NCKAP5: variants seen among roughly 807,000 people sequenced by gnomAD.
NCKAP5 encodes NCK associated protein 5.
A neutral mutation model predicts 167.0 loss-of-function variants in NCKAP5; 92 were observed. The observed-to-expected ratio is 0.55, with a 90% CI of 0.47 to 0.66. The LOEUF is 0.66. Among genes scored for constraint, NCKAP5 ranks in the 30% least tolerant of loss-of-function variants. The pLI is 0.00. For synonymous variants in NCKAP5, 891 were observed against 877.4 expected, an observed-to-expected ratio of 1.02 and a Z score of -0.27; for missense variants, 2,378 against 2,315.0, an observed-to-expected ratio of 1.03 and a Z score of -0.56.
chr2:133,338,442 C>T (rs1476605763), intron 3 of NCKAP5, among the ~76,000 whole-genome samples: 1 of 152,324 alleles, frequency 6.6e-6, no homozygotes, highest in South Asian at 2.1e-4. Context: ...CATGCACCCC[C>T]ATCTTATAGT....
intron 8 of NCKAP5, among the ~76,000 whole-genome samples, chr2:132,944,615 G>A (rs183614075): frequency 6.6e-6 from 1 of 152,094 alleles, no homozygotes; most frequent in Admixed American, 6.6e-5. Context: ...ATGTTGCTAT[G>A]GGCTACTTTG....
At chr2:133,176,447 G>A (rs376316658) in intron 5 of NCKAP5, among the ~76,000 whole-genome samples, 3 of 151,878 alleles carry the variant, frequency 2.0e-5, no homozygotes, top group South Asian at 2.1e-4. Flanking sequence ...GAACAACCTC[G>A]GAAATTGCTG....
chr2:133,456,455 T>C (rs1691867320), intron 3 of NCKAP5, among the ~76,000 whole-genome samples: 1 of 152,130 alleles, frequency 6.6e-6, no homozygotes. Context: ...AGCCATGTGA[T>C]AAGAATGGCG....
chr2:133,132,480 A>AGCAC (rs2082638593), intron 5 of NCKAP5, among the ~76,000 whole-genome samples: 1 of 94,548 alleles, frequency 1.1e-5, no homozygotes, highest in Admixed American at 1.0e-4. Flanking sequence ...TGAAAAAAAA[A>AGCAC]GCACACACAC....
intron 11 of NCKAP5, among the ~76,000 whole-genome samples, chr2:132,852,486 G>A (rs1215328815): frequency 6.6e-6 from 1 of 152,188 alleles, no homozygotes; most frequent in East Asian, 1.9e-4. Context: ...AGAAAGAAGT[G>A]TTGTTGAAGG....
At chr2:133,099,975 C>T (rs2081456574) in intron 6 of NCKAP5, among the ~76,000 whole-genome samples, 1 of 152,238 alleles carries the variant, frequency 6.6e-6, no homozygotes, top group Non-Finnish European at 1.5e-5. Context: ...AGACCACTCA[C>T]ACTGGCTTTT....
intron 5 of NCKAP5, among the ~76,000 whole-genome samples, chr2:133,138,341 G>A (rs1559180746): frequency 6.6e-6 from 1 of 152,136 alleles, no homozygotes; most frequent in Non-Finnish European, 1.5e-5. Flanking sequence ...AAAGTAAGTT[G>A]TTTACTGCAT....
intron 19 of NCKAP5, among the ~76,000 whole-genome samples, chr2:132,711,979 C>T (rs373419143): frequency 2.0e-5 from 3 of 152,158 alleles, no homozygotes; most frequent in East Asian, 1.9e-4. Flanking sequence ...GGTTGTATAG[C>T]GAAGGCTGCA....
Position 132,905,883 on chromosome 2 carries a change from T to A in NCKAP5, c.580-26967A>T, listed in dbSNP as rs542047755. On this transcript the variant is annotated intron_variant, in intron 8 of 19. Transcript: ENST00000409261. The stretch of plus-strand genomic sequence containing the variant: ...TGCCACTTGCAAATATTTTTTTCCT[T>A]CTTCTCAATAGCCAGTTTTATTTCT... Among the ~76,000 whole-genome samples, 4 of 152,256 alleles carry A rather than the reference T, an allele frequency of 2.6e-5. No homozygotes were observed. In the South Asian group the frequency reaches 8.3e-4, roughly 32 times the overall value.
rs566121498 is a variant in NCKAP5 at position 133,032,947 on chromosome 2, A to G, written c.342-38708T>C. ...CAACCAGATCTCATGAGAACTCACTATCATGAGAAGAGCAAGGGGAAAATC... is the reference window on the plus strand; with the variant it reads ...CAACCAGATCTCATGAGAACTCACTGTCATGAGAAGAGCAAGGGGAAAATC... On this transcript the variant is annotated intron_variant, in intron 6 of 19. Transcript: ENST00000409261. 3.9e-5 allele frequency among the ~76,000 whole-genome samples: 6 copies of G among 152,274 alleles called. No individual in the cohort carries two copies. In the South Asian group the frequency reaches 1.0e-3, roughly 26 times the overall value.
chr2:132,676,516 A>G (rs1015352776), intron 19 of NCKAP5, among the ~76,000 whole-genome samples: 2 of 152,068 alleles, frequency 1.3e-5, no homozygotes, highest in African/African-American at 4.8e-5. Context: ...TTTTCTGCCT[A>G]TAGGAGCATA....
the NCKAP5 span, among the ~76,000 whole-genome samples, chr2:133,573,845 T>C: frequency 1.3e-5 from 2 of 152,310 alleles, no homozygotes; most frequent in African/African-American, 4.8e-5. Context: ...ATGCACAAAA[T>C]TGAAGTCCAG....
chr2:132,956,836 GA>G (rs2076358535), intron 8 of NCKAP5, among the ~76,000 whole-genome samples: 1 of 152,030 alleles, frequency 6.6e-6, no homozygotes, highest in South Asian at 2.1e-4. Flanking sequence ...GATACCCTTG[GA>G]GCACTTTCTT....
chr2:132,964,918 G>A (rs2076616763), intron 7 of NCKAP5, among the ~76,000 whole-genome samples: 1 of 151,954 alleles, frequency 6.6e-6, no homozygotes, highest in African/African-American at 2.4e-5. Flanking sequence ...TTTTCAAACT[G>A]TGCTCATCAA....
At chr2:133,344,345 T>C (rs890753259) in intron 3 of NCKAP5, among the ~76,000 whole-genome samples, 3 of 149,316 alleles carry the variant, frequency 2.0e-5, no homozygotes, top group African/African-American at 4.9e-5. Context: ...GAGGCAGAAG[T>C]TGTAGTGAGC....
chr2:133,472,959 T>A lies in NCKAP5; in HGVS notation c.69+44499A>T, dbSNP rs1679480493. Reference sequence around the variant, plus strand: ...CAGGCCTTTATCATCTTGATAAAGATGATAATTGTTACCTGGTTTCCATGC... The same window carrying A: ...CAGGCCTTTATCATCTTGATAAAGAAGATAATTGTTACCTGGTTTCCATGC... On this transcript the variant is annotated intron_variant, in intron 3 of 19. Transcript: ENST00000409261. 2.0e-5 allele frequency among the ~76,000 whole-genome samples: 3 copies of A among 152,206 alleles called. No individual in the cohort carries two copies. In the South Asian group the frequency reaches 6.2e-4, roughly 32 times the overall value.
intron 4 of NCKAP5, among the ~76,000 whole-genome samples, chr2:133,221,296 T>C (rs2086653694): frequency 6.6e-6 from 1 of 152,224 alleles, no homozygotes; most frequent in Non-Finnish European, 1.5e-5. Flanking sequence ...ATACTCTCCA[T>C]ACAAAACTCT....
At chr2:132,969,093 A>G (rs1159229237) in intron 7 of NCKAP5, among the ~76,000 whole-genome samples, 1 of 152,144 alleles carries the variant, frequency 6.6e-6, no homozygotes, top group Non-Finnish European at 1.5e-5. Context: ...GCTGGGGTGC[A>G]GTGGTGCAAT....
intron 8 of NCKAP5, among the ~76,000 whole-genome samples, chr2:132,901,412 C>T (rs1050200486): frequency 6.6e-6 from 1 of 152,132 alleles, no homozygotes; most frequent in Admixed American, 6.5e-5. Flanking sequence ...CTAGTGTGAT[C>T]GTGGTTACCA....
Sources: allele counts gnomAD v4.1 joint callset (sites outside exome capture counted in the v4.1 genomes callset), GRCh38; gene constraint gnomAD v4.1.1; transcripts MANE v1.5; gene names NCBI Gene and HGNC (gene_info 2026-07-23, HGNC 2026-07-21).